TNS3: variants seen among roughly 807,000 people sequenced by gnomAD.
TNS3 encodes tensin-3.
TNS3 carries 45 observed loss-of-function variants against 140.9 expected under a neutral mutation model. The ratio of observed to expected loss-of-function variants is 0.32; its 90% CI spans 0.25 to 0.41. The LOEUF is 0.41. Ranked by LOEUF, TNS3 falls within the 10% of genes least tolerant of loss-of-function variation. The pLI is 1.00. For missense variants in TNS3, 1,716 were observed against 1,906.7 expected, an observed-to-expected ratio of 0.90 and a Z score of 1.86; for synonymous variants, 815 against 788.4, an observed-to-expected ratio of 1.03 and a Z score of -0.56.
intron 15 of TNS3, among the ~76,000 whole-genome samples, chr7:47,398,927 A>C (rs1792988395): frequency 6.6e-6 from 1 of 152,176 alleles, no homozygotes; most frequent in South Asian, 2.1e-4. Flanking sequence ...AGAAAACAAT[A>C]AAAACTCCTC....
Position 47,428,294 on chromosome 7 carries a change from C to T in TNS3, c.389+18G>A. On this transcript the variant is annotated intron_variant, in intron 9 of 30. Coordinates refer to ENST00000311160, the MANE Select transcript of TNS3 (RefSeq NM_022748.12). ...GCTTTTAGCACCTCAAGACAGCGAG[C>T]TGACATCTTCATCCTACCTGGCTGA... The T allele has an allele frequency of 7.1e-7, 1 of 1,413,308 alleles. No homozygotes were observed. Among genetic ancestry groups the T allele is most frequent in the East Asian group, 2.7e-5 (1 of 36,790 alleles). The allele number at this position is 1,413,308 out of a possible 1,614,324, so 87.5% of individuals were successfully genotyped here.
intron 16 of TNS3, among the ~76,000 whole-genome samples, chr7:47,391,640 C>A (rs530045160): frequency 2.3e-4 from 35 of 152,176 alleles, no homozygotes; most frequent in Non-Finnish European, 4.1e-4. Flanking sequence ...ACATGGGGGT[C>A]CAGAGCTTTG....
At chr7:47,302,639 A>G (rs1786472823) in intron 22 of TNS3, among the ~76,000 whole-genome samples, 1 of 152,196 alleles carries the variant, frequency 6.6e-6, no homozygotes, top group African/African-American at 2.4e-5. Context: ...TTGACAAGGA[A>G]TTTGTTATTT....
chr7:47,464,719 T>G (rs1796632646), intron 4 of TNS3, among the ~76,000 whole-genome samples: 1 of 152,176 alleles, frequency 6.6e-6, no homozygotes, highest in African/African-American at 2.4e-5. Flanking sequence ...CCTAAAATAT[T>G]TGTGCATCAG....
intron 3 of TNS3, among the ~76,000 whole-genome samples, chr7:47,492,932 G>A (rs1487196407): frequency 6.6e-6 from 1 of 152,230 alleles, no homozygotes. Flanking sequence ...TGAGCTCACA[G>A]GGAGCAGAGC....
chr7:47,515,160 G>T (rs1190630604), intron 2 of TNS3, among the ~76,000 whole-genome samples: 1 of 152,164 alleles, frequency 6.6e-6, no homozygotes, highest in Non-Finnish European at 1.5e-5. Context: ...GTTTTTAAAA[G>T]ATGAAATGTT....
chr7:47,400,282 T>A (rs1793079219), intron 15 of TNS3, 111 bp downstream of exon 15: 1 of 882,500 alleles, frequency 1.1e-6, no homozygotes, highest in Admixed American at 2.3e-5. Flanking sequence ...ATCACAGAAA[T>A]CTCCAAATAT....
chr7:47,318,530 TC>T (rs1331261069), intron 20 of TNS3, among the ~76,000 whole-genome samples: 1 of 152,048 alleles, frequency 6.6e-6, no homozygotes, highest in African/African-American at 2.4e-5. Context: ...CACAGGGCAG[TC>T]AGGCCAGGGT....
At chr7:47,315,601 G>A (rs1051011277) in intron 20 of TNS3, among the ~76,000 whole-genome samples, 1 of 152,216 alleles carries the variant, frequency 6.6e-6, no homozygotes, top group African/African-American at 2.4e-5. Context: ...AAGTTAACAG[G>A]AAGAGGAGAA....
intron 17 of TNS3, among the ~76,000 whole-genome samples, chr7:47,360,638 G>C (rs1382558030): frequency 2.6e-5 from 4 of 152,170 alleles, no homozygotes; most frequent in African/African-American, 4.8e-5. Context: ...GGCTGACTGA[G>C]ACCATCCAGA....
chr7:47,305,012 G>A lies in TNS3; in HGVS notation c.2651-9C>T, dbSNP rs1786663887. On this transcript the variant is annotated splice_polypyrimidine_tract_variant and intron_variant, in intron 20 of 30. Coordinates refer to ENST00000311160, the MANE Select transcript of TNS3 (RefSeq NM_022748.12). ...AGGGCAGCTTCGTGGTTCTGTAGCG[G>A]GAACACAGGAAGCAGAGAGACCTCG... is the stretch of plus-strand genomic sequence containing the variant. 1 of 1,335,054 alleles carries A rather than the reference G, an allele frequency of 7.5e-7. No homozygotes were observed. 82.7% of individuals were successfully genotyped at this position (1,335,054 alleles called of 1,614,324 possible). A position where few individuals can be genotyped will look rare whatever the true frequency, so the allele number is the denominator to read the frequency against.
At chr7:47,537,019 G>C (rs1238529230) in intron 1 of TNS3, among the ~76,000 whole-genome samples, 1 of 151,896 alleles carries the variant, frequency 6.6e-6, no homozygotes, top group Non-Finnish European at 1.5e-5. Context: ...CCAGCTCCGG[G>C]CCGCACTCAC....
In TNS3 at chr7:47,400,823, A is replaced by T; in HGVS notation, c.815T>A (p.Leu272Gln). ...FHTGAVQGYG[L>Q]VFGKEDLDNA... ...GTCCAGATCCTCCTTCCCAAACACC[A>T]GCCCGTAGCCCTGCACAGCCCCAGT... Residue 272 changes from leucine to glutamine, a missense_variant, in exon 14 of 31, where the codon CTG becomes CAG. Physicochemically the swap from Leu to Gln is moderately radical, Grantham distance 113. Coordinates refer to ENST00000311160, the MANE Select transcript of TNS3 (RefSeq NM_022748.12). 1 of 1,614,226 alleles carries T rather than the reference A, an allele frequency of 6.2e-7. No individual in the cohort carries two copies. The highest frequency in any genetic ancestry group is 8.5e-7 in the Non-Finnish European group (1 of 1,180,032).
chr7:47,435,396 A>C lies in TNS3; in HGVS notation c.210T>G (p.Asp70Glu). The C allele has an allele frequency of 6.2e-7, 1 of 1,613,698 alleles. No individual in the cohort carries two copies. The highest frequency in any genetic ancestry group is 1.1e-5 in the South Asian group (1 of 91,068). The change falls in exon 8 of 31, where the codon GAT (aspartate) becomes GAG (glutamate). Residue 70 changes from aspartate to glutamate, a missense_variant. Physicochemically the swap from Asp to Glu is conservative, Grantham distance 45. Coordinates refer to ENST00000311160, the MANE Select transcript of TNS3 (RefSeq NM_022748.12). ...GTGCGTGGAGCTCTGGCCAGCCCAC[A>C]TCCATGATCTGCAACAAGAAAGGGG... ...DLTKLNPKIM[D>E]VGWPELHAPP...
intron 4 of TNS3, among the ~76,000 whole-genome samples, chr7:47,446,155 A>C (rs1278243285): frequency 2.6e-5 from 4 of 152,170 alleles, no homozygotes; most frequent in African/African-American, 9.7e-5. Flanking sequence ...GCTGTTGCAC[A>C]GGCTGGAGTG....
At chr7:47,287,694 G>T (rs950063789) in intron 27 of TNS3, among the ~76,000 whole-genome samples, 1 of 152,218 alleles carries the variant, frequency 6.6e-6, no homozygotes, top group Non-Finnish European at 1.5e-5. Flanking sequence ...CTGCTGTCCT[G>T]GTTCCGTGGC....
intron 17 of TNS3, among the ~76,000 whole-genome samples, chr7:47,349,327 G>A (rs1789528611): frequency 6.6e-6 from 1 of 152,216 alleles, no homozygotes; most frequent in Non-Finnish European, 1.5e-5. Context: ...TCAAATCTGT[G>A]TGGCACCATG....
At chr7:47,471,113 G>C (rs1796934546) in intron 4 of TNS3, among the ~76,000 whole-genome samples, 2 of 152,148 alleles carry the variant, frequency 1.3e-5, no homozygotes, top group African/African-American at 4.8e-5. Flanking sequence ...TTTGGAAATA[G>C]CCAAAGGCCT....
At chr7:47,532,505 A>T (rs1186948931) in intron 1 of TNS3, among the ~76,000 whole-genome samples, 2 of 134,234 alleles carry the variant, frequency 1.5e-5, no homozygotes, top group East Asian at 4.0e-4. Context: ...AGATGTTGGG[A>T]CTTCCAGCTG....
Sources: allele counts gnomAD v4.1 joint callset (sites outside exome capture counted in the v4.1 genomes callset), GRCh38; gene constraint gnomAD v4.1.1; transcripts MANE v1.5; gene names NCBI Gene and HGNC (gene_info 2026-07-23, HGNC 2026-07-21).